The following RARB variants were observed in gnomAD, a reference collection of about 807,000 sequenced individuals.
RARB encodes retinoic acid receptor beta.
RARB carries 17 observed loss-of-function variants against 51.9 expected under a neutral mutation model. That is an observed-to-expected ratio of 0.33 (90% CI 0.22 to 0.49). The LOEUF (loss-of-function observed/expected upper bound fraction) is 0.49. Among genes scored for constraint, RARB ranks in the 20% least tolerant of loss-of-function variants. The pLI is 0.99. For synonymous variants in RARB, 215 were observed against 195.4 expected, an observed-to-expected ratio of 1.10 and a Z score of -0.84; for missense variants, 369 against 550.8, an observed-to-expected ratio of 0.67 and a Z score of 3.30.
At chr3:25,176,469 C>T (rs1244311475) in intron 5 of RARB, among the ~76,000 whole-genome samples, 1 of 150,544 alleles carries the variant, frequency 6.6e-6, no homozygotes, top group African/African-American at 2.5e-5. Context: ...GATCTTGACT[C>T]ACTGCAACCT....
chr3:25,005,861 C>G (rs1391121611), intron 2 of RARB, among the ~76,000 whole-genome samples: 1 of 152,160 alleles, frequency 6.6e-6, no homozygotes, highest in Non-Finnish European at 1.5e-5. Context: ...TTCTATTTCA[C>G]TTAGCATAAG....
At chr3:25,470,702 A>G (rs1419047304) in intron 2 of RARB, among the ~76,000 whole-genome samples, 1 of 152,246 alleles carries the variant, frequency 6.6e-6, no homozygotes, top group Non-Finnish European at 1.5e-5. Context: ...AAAGGACTCA[A>G]TAAATACCAT....
At chr3:25,372,620 G>A (rs1706334147) in intron 5 of RARB, among the ~76,000 whole-genome samples, 1 of 152,182 alleles carries the variant, frequency 6.6e-6, no homozygotes. Context: ...CCAGGAGTCT[G>A]AGACCAGCCT....
chr3:25,562,694 T>C (rs1700322454), intron 3 of RARB, among the ~76,000 whole-genome samples: 1 of 152,174 alleles, frequency 6.6e-6, no homozygotes, highest in Non-Finnish European at 1.5e-5. Flanking sequence ...AAGAAAAGGA[T>C]TTTTCATCTA....
At chr3:25,176,966 G>A (rs942741839) in intron 5 of RARB, among the ~76,000 whole-genome samples, 4 of 152,154 alleles carry the variant, frequency 2.6e-5, no homozygotes, top group Non-Finnish European at 4.4e-5. Flanking sequence ...AATAGTGGCT[G>A]ACTTTTTTCT....
chr3:24,995,970 C>T (rs923422855), intron 2 of RARB, among the ~76,000 whole-genome samples: 1 of 152,050 alleles, frequency 6.6e-6, no homozygotes, highest in African/African-American at 2.4e-5. Flanking sequence ...ATGCTGGCCT[C>T]ATAGAATGAG....
At chr3:24,970,910 A>G (rs973289439) in intron 2 of RARB, among the ~76,000 whole-genome samples, 10 of 152,084 alleles carry the variant, frequency 6.6e-5, no homozygotes, top group Middle Eastern at 3.4e-3. Context: ...TGATGCTTAT[A>G]CTATTTTCTC....
At chr3:24,834,051 T>C (rs1702312987) in intron 1 of RARB, among the ~76,000 whole-genome samples, 1 of 152,232 alleles carries the variant, frequency 6.6e-6, no homozygotes, top group African/African-American at 2.4e-5. Context: ...TTTCACACAA[T>C]CTAATGTTAG....
chr3:25,507,312 C>T (rs1314948715), intron 3 of RARB, among the ~76,000 whole-genome samples: 1 of 152,080 alleles, frequency 6.6e-6, no homozygotes, highest in Non-Finnish European at 1.5e-5. Context: ...CCTGGCTTTA[C>T]TTTCTGAAAA....
rs572941009 is a variant in RARB, at chr3:25,308,471, C to T, written c.178+133896C>T. Among the ~76,000 whole-genome samples the T allele has an allele frequency of 1.4e-3, 183 of 127,424 alleles. 1 individual carries two copies. The highest frequency in any genetic ancestry group is 5.1e-3 in the African/African-American group (167 of 32,494). The allele number at this position is 127,424 out of a possible 152,430, so 83.6% of individuals were successfully genotyped here. On this transcript the variant is annotated intron_variant, in intron 5 of 11. Coordinates refer to the RARB transcript ENST00000383772. ...TTCTTTTTTTTTTTTTTTTTTGAGA[C>T]AGAGTCTTGTTCTCTTGCCCAGGCT...
At chr3:24,845,966 T>G (rs1316598433) in intron 1 of RARB, among the ~76,000 whole-genome samples, 1 of 152,168 alleles carries the variant, frequency 6.6e-6, no homozygotes, top group Non-Finnish European at 1.5e-5. Context: ...ACACAATACC[T>G]CTGCGAGAGG....
At chr3:25,509,869 C>T (rs928209542) in intron 3 of RARB, among the ~76,000 whole-genome samples, 2 of 152,160 alleles carry the variant, frequency 1.3e-5, no homozygotes, top group African/African-American at 4.8e-5. Flanking sequence ...GCTCATCTGG[C>T]ACCTTCCATC....
chr3:25,080,149 G>C (rs2125312496), intron 3 of RARB, among the ~76,000 whole-genome samples: 1 of 152,212 alleles, frequency 6.6e-6, no homozygotes, highest in South Asian at 2.1e-4. Context: ...CCACGAATTT[G>C]CCTGTTTTGG....
intron 5 of RARB, among the ~76,000 whole-genome samples, chr3:25,404,055 C>T (rs945035733): frequency 4.6e-4 from 70 of 151,930 alleles, no homozygotes; most frequent in African/African-American, 1.7e-3. Flanking sequence ...AGAGCCTAAT[C>T]TTGGACAGTG....
intron 3 of RARB, among the ~76,000 whole-genome samples, chr3:25,123,113 A>G (rs35684523): frequency 0.012 from 1,830 of 152,230 alleles, 19 homozygotes; most frequent in South Asian, 0.019. Context: ...GTCGGCAGGG[A>G]GGAGTTTCAT....
At chr3:25,062,550 C>G (rs1294754680) in intron 3 of RARB, among the ~76,000 whole-genome samples, 1 of 151,166 alleles carries the variant, frequency 6.6e-6, no homozygotes, top group Non-Finnish European at 1.5e-5. Context: ...AACTGAAAAT[C>G]AAAGCCTGCT....
intron 3 of RARB, among the ~76,000 whole-genome samples, chr3:25,545,944 T>C (rs1334013211): frequency 6.6e-6 from 1 of 152,162 alleles, no homozygotes; most frequent in Non-Finnish European, 1.5e-5. Context: ...AATCAGGTTG[T>C]AATTTTTGAT....
At chr3:25,219,896 C>T (rs570743506) in intron 5 of RARB, among the ~76,000 whole-genome samples, 2 of 152,126 alleles carry the variant, frequency 1.3e-5, no homozygotes, top group Non-Finnish European at 2.9e-5. Flanking sequence ...AATCTAAGAG[C>T]AGAAATGGAA....
intron 5 of RARB, among the ~76,000 whole-genome samples, chr3:25,194,734 A>G (rs1701190218): frequency 6.6e-6 from 1 of 151,764 alleles, no homozygotes; most frequent in African/African-American, 2.4e-5. Context: ...TATTTGTATA[A>G]GCATTCTGGA....
Sources: allele counts gnomAD v4.1 joint callset (sites outside exome capture counted in the v4.1 genomes callset), GRCh38; gene constraint gnomAD v4.1.1; transcripts MANE v1.5; gene names NCBI Gene and HGNC (gene_info 2026-07-23, HGNC 2026-07-21).